Variants in GLIS3 observed in about 807,000 individuals in gnomAD.
GLIS3 encodes the protein zinc finger protein GLIS3.
In GLIS3, 53 loss-of-function variants were observed where a neutral mutation model predicts 78.6. The observed-to-expected ratio is 0.67, with a 90% confidence interval of 0.54 to 0.85. The LOEUF is 0.85. Ranked by LOEUF, GLIS3 falls within the 40% of genes least tolerant of loss-of-function variation. GLIS3 has a pLI of 0.00. For synonymous variants in GLIS3, 684 were observed against 509.9 expected (o/e 1.34, Z -4.60); for missense variants, 1,703 against 1,231.1 (o/e 1.38, Z -5.74).
intron 4 of GLIS3, among the ~76,000 whole-genome samples, chr9:4,095,654 T>TGAATGATGA: frequency 6.6e-6 from 1 of 152,168 alleles, no homozygotes; most frequent in Admixed American, 6.5e-5. Flanking sequence ...TACTCATCCG[T>TGAATGATGA]GAATGATGAA....
chr9:3,839,236 A>G (rs999669623), intron 9 of GLIS3, among the ~76,000 whole-genome samples: 1 of 152,202 alleles, frequency 6.6e-6, no homozygotes, highest in Non-Finnish European at 1.5e-5. Flanking sequence ...ATGTCAATAA[A>G]AGTGCAAAAT....
chr9:4,107,752 TAA>T (rs34563848), intron 4 of GLIS3, among the ~76,000 whole-genome samples: 3 of 142,686 alleles, frequency 2.1e-5, no homozygotes. Context: ...ACAGGTTACC[TAA>T]AAAAAAAAAA....
At chr9:4,310,399 A>C (rs1371447485) in intron 3 of GLIS3, 1 of 152,184 alleles carries the variant, frequency 6.6e-6, no homozygotes, top group Non-Finnish European at 1.5e-5. Context: ...TCAGAAACTC[A>C]CTTGTCTAGC....
rs749040751 is a variant in GLIS3, at chr9:4,286,409, C to A, written c.17G>T (p.Cys6Phe). Residue 6 changes from cysteine (C) to phenylalanine (F), a missense_variant, in exon 2 of 11, where the codon TGC becomes TTC. Physicochemically the swap from Cys to Phe is radical, Grantham distance 205. Transcript: ENST00000381971. Reference protein sequence around the residue: MNGRSCSMSLHRTSGT... With the variant: MNGRSFSMSLHRTSGT... ...CGATGTCCGGTGGAGACTCATGCTGCATGATCTTCCATTCATTCTGAAAAA... is the reference window on the plus strand; with the variant it reads ...CGATGTCCGGTGGAGACTCATGCTGAATGATCTTCCATTCATTCTGAAAAA... 1 of 1,613,992 alleles carries A rather than the reference C, an allele frequency of 6.2e-7. No homozygotes were observed.
upstream of GLIS3, among the ~76,000 whole-genome samples, chr9:4,300,406 A>T (rs190405859): frequency 2.6e-5 from 4 of 151,018 alleles, no homozygotes; most frequent in African/African-American, 9.9e-5. Context: ...AAATAAACAA[A>T]CAACCAAAAA....
chr9:4,043,247 A>C (rs930073523), intron 4 of GLIS3, among the ~76,000 whole-genome samples: 25 of 151,980 alleles, frequency 1.6e-4, no homozygotes, highest in African/African-American at 5.3e-4. Context: ...AAGGGGCCAG[A>C]GGTGGTTCTG....
chr9:4,040,077 C>A (rs938162119), intron 4 of GLIS3, among the ~76,000 whole-genome samples: 13 of 152,078 alleles, frequency 8.5e-5, no homozygotes, highest in Non-Finnish European at 2.9e-5. Context: ...ACATCCTCTG[C>A]CCATCTGCAG....
the GLIS3 span, among the ~76,000 whole-genome samples, chr9:4,470,442 A>G: frequency 0.21 from 31,573 of 152,178 alleles, 3,321 homozygotes; most frequent in Admixed American, 0.23. Context: ...ATGCAAGGCT[A>G]GTTCAACATA....
chr9:4,368,302 T>C, the GLIS3 span, among the ~76,000 whole-genome samples: 1 of 150,820 alleles, frequency 6.6e-6, no homozygotes, highest in African/African-American at 2.4e-5. Context: ...GGCAGAGAAA[T>C]GAAAGAGCAC....
At chr9:4,373,562 G>A in the GLIS3 span, among the ~76,000 whole-genome samples, 1 of 152,012 alleles carries the variant, frequency 6.6e-6, no homozygotes, top group South Asian at 2.1e-4. Flanking sequence ...ATTTAAATAC[G>A]ATGCAAACTC....
chr9:4,078,424 G>A (rs1317309361), intron 4 of GLIS3, among the ~76,000 whole-genome samples: 2 of 152,140 alleles, frequency 1.3e-5, no homozygotes, highest in Non-Finnish European at 2.9e-5. Context: ...CAACTCAAGT[G>A]CACTTCCAAA....
At chr9:4,259,952 ACTTTGT>A (rs1433165274) in intron 2 of GLIS3, among the ~76,000 whole-genome samples, 1 of 152,254 alleles carries the variant, frequency 6.6e-6, no homozygotes, top group Non-Finnish European at 1.5e-5. Context: ...TCACCAGCAG[ACTTTGT>A]CTTTGTGTAA....
chr9:4,429,666 G>A, the GLIS3 span, among the ~76,000 whole-genome samples: 1 of 152,086 alleles, frequency 6.6e-6, no homozygotes. Flanking sequence ...GCACTGCAAG[G>A]TTCATGAGGA....
chr9:3,952,848 A>C (rs536162596), intron 4 of GLIS3, among the ~76,000 whole-genome samples: 1 of 151,968 alleles, frequency 6.6e-6, no homozygotes, highest in East Asian at 1.9e-4. Context: ...TCTAAAAAAA[A>C]CTCCCAACCG....
chr9:3,994,700 C>T (rs900922530), intron 4 of GLIS3, among the ~76,000 whole-genome samples: 1 of 152,190 alleles, frequency 6.6e-6, no homozygotes, highest in Admixed American at 6.5e-5. Context: ...CTGTGCTCAA[C>T]CCTGCCACCA....
chr9:4,172,790 A>C (rs1376759653), intron 2 of GLIS3, among the ~76,000 whole-genome samples: 1 of 152,176 alleles, frequency 6.6e-6, no homozygotes, highest in Non-Finnish European at 1.5e-5. Flanking sequence ...TGTTAGAAAG[A>C]CTGCAAGCTC....
the GLIS3 span, among the ~76,000 whole-genome samples, chr9:4,466,901 A>T: frequency 6.6e-6 from 1 of 152,224 alleles, no homozygotes; most frequent in Non-Finnish European, 1.5e-5. Flanking sequence ...GCCGTGACAG[A>T]TGGTACCTGG....
At chr9:4,381,385 G>A in the GLIS3 span, among the ~76,000 whole-genome samples, 1 of 152,052 alleles carries the variant, frequency 6.6e-6, no homozygotes, top group Non-Finnish European at 1.5e-5. Flanking sequence ...AGTTAAAGAG[G>A]GCTCTATGAC....
chr9:4,073,443 C>A (rs1269735274), intron 4 of GLIS3, among the ~76,000 whole-genome samples: 1 of 152,146 alleles, frequency 6.6e-6, no homozygotes, highest in Admixed American at 6.5e-5. Context: ...TTCATGGGCT[C>A]CCACTTTCTG....
Sources: gnomAD v4.1 joint callset for allele counts (sites outside exome capture counted in the v4.1 genomes callset) on GRCh38, gnomAD v4.1.1 for gene constraint, MANE v1.5 for transcripts, NCBI Gene and HGNC (gene_info 2026-07-23, HGNC 2026-07-21) for gene names.